Variants in SPDYE14 observed in about 807,000 individuals in gnomAD.
The protein encoded by SPDYE14 is speedy/RINGO cell cycle regulator family member E14.
At chr7:75,241,601 G>A in the SPDYE14 span, among the ~76,000 whole-genome samples, 3 of 15,958 alleles carry the variant, frequency 1.9e-4, no homozygotes, top group African/African-American at 3.0e-4. Flanking sequence ...TAAGGGGTGC[G>A]TGCCTGTGTG....
chr7:75,237,666 C>CGCCCGGCGCGGGGA, the SPDYE14 span: 1 of 94,558 alleles, frequency 1.1e-5, no homozygotes, highest in Non-Finnish European at 2.4e-5. Flanking sequence ...CGGCGCGCGG[C>CGCCCGGCGCGGGGA]GCCCGGCGCG....
chr7:75,265,744 CAAAAAAAAAAAAA>C, the SPDYE14 span, among the ~76,000 whole-genome samples: 1 of 1,196 alleles, frequency 8.4e-4, no homozygotes, highest in African/African-American at 1.7e-3. Flanking sequence ...ACTCCATCTC[CAAAAAAAAAAAAA>C]AAAAAAAAAA....
At chr7:75,237,804 T>G in the SPDYE14 span, 1 of 110,294 alleles carries the variant, frequency 9.1e-6, no homozygotes, top group African/African-American at 2.5e-5. Context: ...CCGGTGCTGC[T>G]GCTGCTGTTG....
chr7:75,265,565 C>CAAAAAAAAAAA, the SPDYE14 span, among the ~76,000 whole-genome samples: 1 of 1,770 alleles, frequency 5.6e-4, no homozygotes, highest in Non-Finnish European at 1.4e-3. Context: ...TAAAAAAATA[C>CAAAAAAAAAAA]AAAAAAAAAA....
chr7:75,300,656 C>A, the SPDYE14 span, among the ~76,000 whole-genome samples: 1 of 10,316 alleles, frequency 9.7e-5, no homozygotes. Flanking sequence ...CTTGCTCTGT[C>A]GCCCTGTCGC....
chr7:75,273,441 CAGG>C, the SPDYE14 span, among the ~76,000 whole-genome samples: 5 of 59,262 alleles, frequency 8.4e-5, 2 homozygotes, highest in African/African-American at 2.0e-4. Flanking sequence ...GAGGCTGAGG[CAGG>C]AGAATGGCTT....
chr7:75,271,214 A>C, the SPDYE14 span, among the ~76,000 whole-genome samples: 1 of 10,068 alleles, frequency 9.9e-5, no homozygotes, highest in African/African-American at 2.2e-4. Flanking sequence ...CTCCACCTCT[A>C]AAAAAAAAAA....
chr7:75,279,848 C>T, the SPDYE14 span, among the ~76,000 whole-genome samples: 1 of 44,570 alleles, frequency 2.2e-5, no homozygotes, highest in Non-Finnish European at 5.2e-5. Flanking sequence ...CCTCCCAAAG[C>T]GCTGGGATTA....
chr7:75,249,915 C>G, the SPDYE14 span, among the ~76,000 whole-genome samples: 1 of 121,196 alleles, frequency 8.3e-6, no homozygotes, highest in East Asian at 2.3e-4. Flanking sequence ...AGTGATCCAC[C>G]CACCTCAGCC....
the SPDYE14 span, among the ~76,000 whole-genome samples, chr7:75,272,744 G>A: frequency 3.5e-5 from 2 of 57,180 alleles, 1 homozygote; most frequent in Non-Finnish European, 9.0e-5. Context: ...AAATTAGCTG[G>A]GTGTGGTGGT....
At chr7:75,278,481 T>G in the SPDYE14 span, among the ~76,000 whole-genome samples, 2 of 21,472 alleles carry the variant, frequency 9.3e-5, no homozygotes, top group African/African-American at 1.8e-4. Flanking sequence ...CTCGGGAGGC[T>G]GAGGTGGGGG....
At chr7:75,278,942 C>CA in the SPDYE14 span, among the ~76,000 whole-genome samples, 4 of 41,470 alleles carry the variant, frequency 9.6e-5, no homozygotes, top group Non-Finnish European at 1.5e-4. Context: ...ACTCTGTTTC[C>CA]AAAAAAAAAA....
At chr7:75,275,739 T>TAAA in the SPDYE14 span, among the ~76,000 whole-genome samples, 1 of 14,542 alleles carries the variant, frequency 6.9e-5, no homozygotes, top group Non-Finnish European at 1.7e-4. Flanking sequence ...AAAAATAAAT[T>TAAA]AAAAAAAAAA....
At chr7:75,251,774 G>A in the SPDYE14 span, among the ~76,000 whole-genome samples, 1 of 16,438 alleles carries the variant, frequency 6.1e-5, no homozygotes, top group Non-Finnish European at 1.7e-4. Flanking sequence ...TCAGGAGTTC[G>A]AGACCAGCCT....
At chr7:75,258,039 C>G in the SPDYE14 span, among the ~76,000 whole-genome samples, 1 of 42,596 alleles carries the variant, frequency 2.3e-5, no homozygotes, top group Non-Finnish European at 5.8e-5. Flanking sequence ...GTCAGCCAGG[C>G]TGGTCTTGAA....
chr7:75,258,237 G>A, the SPDYE14 span, among the ~76,000 whole-genome samples: 2 of 56,810 alleles, frequency 3.5e-5, no homozygotes, highest in African/African-American at 8.9e-5. Flanking sequence ...ATGCTGGTGT[G>A]CTACACCCAT....
chr7:75,303,509 A>AT, the SPDYE14 span, among the ~76,000 whole-genome samples: 2 of 22,990 alleles, frequency 8.7e-5, no homozygotes, highest in Admixed American at 4.4e-4. Context: ...ACACACACAC[A>AT]ATTAGCCAGG....
the SPDYE14 span, among the ~76,000 whole-genome samples, chr7:75,241,692 TATA>T: frequency 4.1e-5 from 1 of 24,224 alleles, no homozygotes; most frequent in African/African-American, 9.7e-5. Flanking sequence ...TATATATATA[TATA>T]TTTTTTTTTT....
chr7:75,241,712 T>A, the SPDYE14 span, among the ~76,000 whole-genome samples: 2 of 26,354 alleles, frequency 7.6e-5, no homozygotes, highest in African/African-American at 1.8e-4. Context: ...TTTTTTTTTT[T>A]GAGACAGGGT....
Sources: allele counts gnomAD v4.1 joint callset (sites outside exome capture counted in the v4.1 genomes callset), GRCh38; gene constraint gnomAD v4.1.1; transcripts MANE v1.5; gene names NCBI Gene and HGNC (gene_info 2026-07-23, HGNC 2026-07-21).